KCTD16: variants seen among roughly 807,000 people sequenced by gnomAD.
KCTD16 encodes the protein potassium channel tetramerization domain containing 16.
Under a neutral mutation model 33.2 loss-of-function variants are expected in KCTD16, and 13 were observed. The ratio of observed to expected loss-of-function variants is 0.39; its 90% CI spans 0.25 to 0.62. KCTD16 has a LOEUF of 0.62. Ranked by LOEUF, KCTD16 falls within the 20% of genes least tolerant of loss-of-function variation. The pLI is 0.50. For synonymous variants in KCTD16, 197 were observed against 195.3 expected, an observed-to-expected ratio of 1.01 and a Z score of -0.07; for missense variants, 441 against 525.1, an observed-to-expected ratio of 0.84 and a Z score of 1.57.
Position 144,473,781 on chromosome 5 carries a change from G to A in KCTD16, c.954G>A (p.Gln318=). The change falls in exon 4 of 4, where the codon CAG becomes CAA. Residue 318 remains glutamine (Q), a synonymous_variant. Coordinates refer to ENST00000512467, the MANE Select transcript of KCTD16 (RefSeq NM_020768.4). ...TCTCCACATCTAGCTGCGACAGCCA[G>A]TCTGAGGCCAGCTCTCCCCAGGAGA... The part of the protein sequence containing the change: ...NDLSTSSCDS[Q]SEASSPQETV... 1 of 1,614,120 alleles carries A rather than the reference G, an allele frequency of 6.2e-7. No homozygotes were observed.
chr5:144,238,990 T>C (rs1270584243), intron 3 of KCTD16, among the ~76,000 whole-genome samples: 1 of 152,138 alleles, frequency 6.6e-6, no homozygotes, highest in Non-Finnish European at 1.5e-5. Flanking sequence ...AGCCAGCATG[T>C]GGGCTTGAGA....
chr5:144,175,234 C>G (rs1752477090), intron 2 of KCTD16, among the ~76,000 whole-genome samples: 2 of 152,174 alleles, frequency 1.3e-5, no homozygotes. Context: ...CCATTTGACA[C>G]ATGAGGAAAT....
At chr5:144,313,022 T>C (rs1017075437) in intron 3 of KCTD16, among the ~76,000 whole-genome samples, 3 of 152,148 alleles carry the variant, frequency 2.0e-5, no homozygotes, top group Non-Finnish European at 4.4e-5. Context: ...TAGTAAAAGA[T>C]GGAAAAAACC....
At chr5:144,304,977 CTTTTTTTTTT>C (rs146638360) in intron 3 of KCTD16, among the ~76,000 whole-genome samples, 4 of 83,416 alleles carry the variant, frequency 4.8e-5, no homozygotes. Flanking sequence ...ATATCAAAAT[CTTTTTTTTTT>C]TTTTTTTTTT....
At chr5:144,442,044 CTTTTGTTAAATTTAAAT>C (rs1753723324) in intron 3 of KCTD16, among the ~76,000 whole-genome samples, 1 of 152,134 alleles carries the variant, frequency 6.6e-6, no homozygotes, top group Admixed American at 6.6e-5. Context: ...ACTTGCACAT[CTTTTGTTAAATTTAAAT>C]TTATATGTTC....
At chr5:144,253,524 A>G (rs998858717) in intron 3 of KCTD16, among the ~76,000 whole-genome samples, 1 of 152,206 alleles carries the variant, frequency 6.6e-6, no homozygotes, top group Non-Finnish European at 1.5e-5. Context: ...TTCCTTCTTC[A>G]AATATAAGGA....
At chr5:144,325,584 T>C (rs1360051134) in intron 3 of KCTD16, among the ~76,000 whole-genome samples, 1 of 152,118 alleles carries the variant, frequency 6.6e-6, no homozygotes, top group Non-Finnish European at 1.5e-5. Context: ...GACTGGAAGC[T>C]TCTTCCCTCT....
chr5:144,473,082 A>T (rs2127002071), intron 3 of KCTD16, among the ~76,000 whole-genome samples: 1 of 152,300 alleles, frequency 6.6e-6, no homozygotes, highest in East Asian at 1.9e-4. Flanking sequence ...CAAGGAGCTG[A>T]GGGGTACCCA....
intron 2 of KCTD16, among the ~76,000 whole-genome samples, chr5:144,176,237 C>T (rs952268268): frequency 6.6e-6 from 1 of 152,110 alleles, no homozygotes; most frequent in Non-Finnish European, 1.5e-5. Context: ...CCTTTCTCTC[C>T]TCTCTTCCCC....
chr5:144,202,364 G>T (rs897835981), intron 2 of KCTD16, among the ~76,000 whole-genome samples: 11 of 152,168 alleles, frequency 7.2e-5, no homozygotes, highest in African/African-American at 2.7e-4. Context: ...TGAGACATTC[G>T]CTTACTCTAG....
At chr5:144,338,644 T>C (rs915347624) in intron 3 of KCTD16, among the ~76,000 whole-genome samples, 1 of 152,024 alleles carries the variant, frequency 6.6e-6, no homozygotes. Flanking sequence ...AATTTAAGGG[T>C]TAGTGAGAGA....
intron 3 of KCTD16, among the ~76,000 whole-genome samples, chr5:144,468,698 C>A (rs1271770721): frequency 6.6e-6 from 1 of 152,178 alleles, no homozygotes; most frequent in East Asian, 1.9e-4. Context: ...TTAAATCTGG[C>A]CACCTAGCTC....
At chr5:144,333,052 G>A (rs535843302) in intron 3 of KCTD16, among the ~76,000 whole-genome samples, 17 of 152,112 alleles carry the variant, frequency 1.1e-4, no homozygotes, top group South Asian at 2.1e-4. Flanking sequence ...CCCACAACTC[G>A]TGGGAATTAT....
At chr5:144,405,429 T>C (rs977639830) in intron 3 of KCTD16, among the ~76,000 whole-genome samples, 1 of 152,246 alleles carries the variant, frequency 6.6e-6, no homozygotes, top group South Asian at 2.1e-4. Context: ...CCTGGATACC[T>C]TGATCCCTGC....
chr5:144,236,545 A>G (rs1754259511), intron 3 of KCTD16, among the ~76,000 whole-genome samples: 1 of 152,208 alleles, frequency 6.6e-6, no homozygotes, highest in Admixed American at 6.5e-5. Context: ...TAGAGATAAT[A>G]TAAGATATAC....
At position 144,191,630 on chromosome 5, in the gene KCTD16, C is replaced by T. The variant is rs186305074; in HGVS notation, c.-326-14759C>T. 8.5e-5 allele frequency among the ~76,000 whole-genome samples: 13 copies of T among 152,288 alleles called. No homozygotes were observed. In the East Asian group the frequency reaches 1.9e-3, roughly 23 times the overall value. ...CCCTGAAGACAGCTGGCTGAGTTAT[C>T]CTTCCTCAGATTTCTTTAAGAAATC... is the stretch of plus-strand genomic sequence containing the variant. On this transcript the variant is annotated intron_variant, in intron 2 of 3. Coordinates refer to ENST00000512467, the MANE Select transcript of KCTD16 (RefSeq NM_020768.4).
rs568875191 is a variant in KCTD16, at chr5:144,398,223, C to G, written c.833-75437C>G. On this transcript the variant is annotated intron_variant, in intron 3 of 3. Coordinates refer to ENST00000512467, the MANE Select transcript of KCTD16 (RefSeq NM_020768.4). ...TTGATTTTCTAGTAGTGACTAGGTA[C>G]TTTTCTAACTTATAGTTTTCAAAAA... 2.6e-5 allele frequency among the ~76,000 whole-genome samples: 4 copies of G among 152,250 alleles called. No homozygotes were observed. In the East Asian group the frequency reaches 5.8e-4, roughly 22 times the overall value.
chr5:144,424,719 G>C (rs1011941382), intron 3 of KCTD16, among the ~76,000 whole-genome samples: 1 of 152,090 alleles, frequency 6.6e-6, no homozygotes, highest in Non-Finnish European at 1.5e-5. Context: ...GAGCCTACCA[G>C]ACAAGAGACA....
At chr5:144,280,995 C>T (rs1237622572) in intron 3 of KCTD16, among the ~76,000 whole-genome samples, 1 of 144,398 alleles carries the variant, frequency 6.9e-6, no homozygotes, top group Non-Finnish European at 1.5e-5. Context: ...GCGGAGGTTG[C>T]AGTGAAACCC....
Sources: gnomAD v4.1 joint callset for allele counts (sites outside exome capture counted in the v4.1 genomes callset) on GRCh38, gnomAD v4.1.1 for gene constraint, MANE v1.5 for transcripts, NCBI Gene and HGNC (gene_info 2026-07-23, HGNC 2026-07-21) for gene names.